The following HTR4 variants were observed in gnomAD, a reference collection of about 807,000 sequenced individuals.
The protein encoded by HTR4 is 5-hydroxytryptamine (serotonin) receptor 4, G protein-coupled.
HTR4 carries 16 observed loss-of-function variants against 36.8 expected under a neutral mutation model. The ratio of observed to expected loss-of-function variants is 0.43; its 90% CI spans 0.29 to 0.66. The LOEUF (loss-of-function observed/expected upper bound fraction) is 0.66, where lower values mean the gene tolerates loss of function less well. HTR4 is among the 30% of genes least tolerant of loss of function. HTR4 has a pLI of 0.13. For synonymous variants in HTR4, 189 were observed against 185.1 expected, an observed-to-expected ratio of 1.02 and a Z score of -0.17; for missense variants, 438 against 490.9, an observed-to-expected ratio of 0.89 and a Z score of 1.02.
At chr5:148,604,603 A>T (rs888764347) in intron 2 of HTR4, among the ~76,000 whole-genome samples, 2 of 152,242 alleles carry the variant, frequency 1.3e-5, no homozygotes, top group Non-Finnish European at 2.9e-5. Context: ...AAAACAATTC[A>T]AAGGTCCACT....
intron 2 of HTR4, among the ~76,000 whole-genome samples, chr5:148,550,625 A>G (rs1759634611): frequency 6.6e-6 from 1 of 152,234 alleles, no homozygotes; most frequent in Admixed American, 6.5e-5. Context: ...GAATGATAGT[A>G]ACTTTGCAAC....
intron 6 of HTR4, 182 bp downstream of exon 6, chr5:148,509,274 C>T: frequency 1.9e-6 from 1 of 528,642 alleles, no homozygotes. Flanking sequence ...AGTCAATCTC[C>T]CTCCAGAGCC....
At chr5:148,614,099 A>G (rs1445007410) in intron 2 of HTR4, among the ~76,000 whole-genome samples, 2 of 152,136 alleles carry the variant, frequency 1.3e-5, no homozygotes, top group Admixed American at 6.5e-5. Flanking sequence ...GAAAATGGCC[A>G]TACTGCCCAA....
At chr5:148,650,837 C>G (rs1460182290) in intron 1 of HTR4, among the ~76,000 whole-genome samples, 1 of 152,146 alleles carries the variant, frequency 6.6e-6, no homozygotes, top group African/African-American at 2.4e-5. Context: ...CAACTCACAA[C>G]CTTATAGTAT....
intron 2 of HTR4, among the ~76,000 whole-genome samples, chr5:148,576,405 C>A (rs1248736358): frequency 6.6e-6 from 1 of 151,926 alleles, no homozygotes; most frequent in East Asian, 1.9e-4. Flanking sequence ...AAGCAGTTTA[C>A]AGATTCAATG....
chr5:148,508,442 G>A (rs964788350), intron 6 of HTR4, among the ~76,000 whole-genome samples: 1 of 152,122 alleles, frequency 6.6e-6, no homozygotes, highest in Non-Finnish European at 1.5e-5. Context: ...TAACTCCAAA[G>A]TCACTTCCAC....
chr5:148,489,751 G>A (rs1200838013), intron 6 of HTR4, among the ~76,000 whole-genome samples: 1 of 152,136 alleles, frequency 6.6e-6, no homozygotes, highest in African/African-American at 2.4e-5. Flanking sequence ...GCAGCGGGGA[G>A]AGTTGAGGGA....
intron 6 of HTR4, among the ~76,000 whole-genome samples, chr5:148,503,241 A>G (rs1162093407): frequency 2.0e-5 from 3 of 152,200 alleles, no homozygotes; most frequent in Non-Finnish European, 2.9e-5. Context: ...GCAGCCAGAG[A>G]GAAAGGTCAG....
At chr5:148,609,672 T>C (rs887441808) in intron 2 of HTR4, among the ~76,000 whole-genome samples, 35 of 151,932 alleles carry the variant, frequency 2.3e-4, no homozygotes, top group African/African-American at 8.0e-4. Context: ...TTCATGCCAT[T>C]CTCCTGCCTC....
At chr5:148,452,055 T>A (rs1253814479) in intron 5 of HTR4, among the ~76,000 whole-genome samples, 1 of 152,198 alleles carries the variant, frequency 6.6e-6, no homozygotes, top group African/African-American at 2.4e-5. Context: ...ACCATTCAGC[T>A]ATTTGGCATC....
intron 2 of HTR4, among the ~76,000 whole-genome samples, chr5:148,620,543 G>C (rs1270138526): frequency 6.6e-6 from 1 of 152,176 alleles, no homozygotes; most frequent in South Asian, 2.1e-4. Context: ...AATGGATTTT[G>C]AAAACTAAGT....
At chr5:148,575,803 A>G (rs1285451811) in intron 2 of HTR4, among the ~76,000 whole-genome samples, 1 of 152,002 alleles carries the variant, frequency 6.6e-6, no homozygotes, top group Non-Finnish European at 1.5e-5. Context: ...AAAAGCAAGC[A>G]TTCTCCTTGA....
intron 6 of HTR4, among the ~76,000 whole-genome samples, chr5:148,487,685 TTAGAGATAGAGACAGTAGAGAGAGC>T (rs1477095463): frequency 1.2e-4 from 18 of 150,260 alleles, no homozygotes; most frequent in African/African-American, 4.2e-4. Context: ...GAGAGCGAGC[TTAGAGATAGAGACAGTAGAGAGAGC>T]GAGCTTAGAG....
At chr5:148,451,094 G>A in exon 6 of HTR4, 2 of 1,589,994 alleles carry the variant, frequency 1.3e-6, no homozygotes, top group Non-Finnish European at 1.7e-6. Context: ...TGCCTCACTG[G>A]TGGTGATGAG....
rs115184149 is a variant in HTR4 at position 148,652,521 on chromosome 5, C to T, written c.-48+1541G>A. On this transcript the variant is annotated intron_variant, in intron 1 of 6. Coordinates refer to ENST00000377888, the MANE Select transcript of HTR4 (RefSeq NM_000870.7). ...CAGAAGAGCAGGGTGAAAGAATATA[C>T]ATTTGATTTGTTGGCTTCAAGGATG... Among the ~76,000 whole-genome samples, 818 of 152,238 alleles carry T rather than the reference C, an allele frequency of 5.4e-3. 7 individuals carry two copies. Among genetic ancestry groups the T allele is most frequent in the African/African-American group, 0.019 (790 of 41,524 alleles).
chr5:148,588,671 G>T (rs1211544266), intron 2 of HTR4, among the ~76,000 whole-genome samples: 1 of 150,326 alleles, frequency 6.7e-6, no homozygotes, highest in East Asian at 2.0e-4. Flanking sequence ...CTCCCGAGTA[G>T]CTGGGACTAC....
chr5:148,590,063 T>C (rs1761500884), intron 2 of HTR4, among the ~76,000 whole-genome samples: 1 of 152,102 alleles, frequency 6.6e-6, no homozygotes, highest in Admixed American at 6.6e-5. Flanking sequence ...AGTTTAACTT[T>C]CAGAAGCTTT....
At chr5:148,574,333 G>GA (rs1760799698) in intron 2 of HTR4, among the ~76,000 whole-genome samples, 2 of 151,882 alleles carry the variant, frequency 1.3e-5, no homozygotes, top group South Asian at 2.1e-4. Flanking sequence ...ATCAGCAATG[G>GA]AAAAAACATC....
chr5:148,468,729 G>C (rs1400589943), intron 5 of HTR4, among the ~76,000 whole-genome samples: 1 of 152,164 alleles, frequency 6.6e-6, no homozygotes, highest in African/African-American at 2.4e-5. Flanking sequence ...GTCTTGATAT[G>C]GCTGGCTGTG....
Sources: allele counts gnomAD v4.1 joint callset (sites outside exome capture counted in the v4.1 genomes callset), GRCh38; gene constraint gnomAD v4.1.1; transcripts MANE v1.5; gene names NCBI Gene and HGNC (gene_info 2026-07-23, HGNC 2026-07-21).